Variants in CHST11 observed in about 807,000 individuals in gnomAD.
CHST11 encodes the protein carbohydrate sulfotransferase 11, also known as C4S-1.
CHST11 carries 9 observed loss-of-function variants against 30.4 expected under a neutral mutation model. The observed-to-expected ratio is 0.30, with a 90% confidence interval of 0.18 to 0.52. The LOEUF (loss-of-function observed/expected upper bound fraction) is 0.52. CHST11 is among the 20% of genes least tolerant of loss of function. The pLI is 0.97. For synonymous variants in CHST11, 152 were observed against 187.8 expected (o/e 0.81, Z 1.56); for missense variants, 348 against 460.6 (o/e 0.76, Z 2.24).
intron 1 of CHST11, chr12:104,552,108 G>A (rs149260068): frequency 3.1e-4 from 47 of 152,204 alleles, no homozygotes; most frequent in African/African-American, 1.1e-3. Context: ...ATCTGGGATG[G>A]GTTGAGAGTC....
At chr12:104,573,121 G>C (rs539505319) in intron 1 of CHST11, among the ~76,000 whole-genome samples, 5 of 152,312 alleles carry the variant, frequency 3.3e-5, no homozygotes, top group East Asian at 3.9e-4. Flanking sequence ...TTGCTTCAAA[G>C]AGAATAAAAT....
chr12:104,572,550 C>T (rs556445001), intron 1 of CHST11, among the ~76,000 whole-genome samples: 8 of 152,204 alleles, frequency 5.3e-5, no homozygotes, highest in South Asian at 2.1e-4. Flanking sequence ...TCTGTGGGAT[C>T]GGTGGTGATA....
intron 1 of CHST11, among the ~76,000 whole-genome samples, chr12:104,569,146 C>T (rs1041753236): frequency 1.3e-5 from 2 of 152,064 alleles, no homozygotes; most frequent in Non-Finnish European, 2.9e-5. Flanking sequence ...AGGACTGGAA[C>T]CCAATTGTCT....
chr12:104,505,168 T>C (rs1285010320), intron 1 of CHST11, among the ~76,000 whole-genome samples: 3 of 152,196 alleles, frequency 2.0e-5, no homozygotes, highest in Non-Finnish European at 4.4e-5. Context: ...AGCGCTGTTA[T>C]AGACACCAGC....
At chr12:104,507,703 T>C (rs1464167217) in intron 1 of CHST11, among the ~76,000 whole-genome samples, 1 of 152,210 alleles carries the variant, frequency 6.6e-6, no homozygotes, top group African/African-American at 2.4e-5. Context: ...ATGACTGAGA[T>C]GATTTGTCTC....
In CHST11 at chr12:104,458,278, C is replaced by G. The variant is rs2037374767; in HGVS notation, c.118+749C>G. Among the ~76,000 whole-genome samples, 1 of 152,210 alleles carries G rather than the reference C, an allele frequency of 6.6e-6. No homozygotes were observed. The highest frequency in any genetic ancestry group is 1.5e-5 in the Non-Finnish European group (1 of 68,038). Reference sequence around the variant, plus strand: ...CCGAGCTCCTGGGTCACGCCTTGACCACTGCAGTTTTGGAGGAAACTTTGG... The same window carrying G: ...CCGAGCTCCTGGGTCACGCCTTGACGACTGCAGTTTTGGAGGAAACTTTGG... On this transcript the variant is annotated intron_variant, in intron 1 of 2. Transcript: ENST00000303694. This position sits in a 1 kb window ranked among gnomAD's most constrained non-coding sequence, Gnocchi z 5.7.
chr12:104,621,951 A>G (rs1196087098), intron 2 of CHST11, among the ~76,000 whole-genome samples: 1 of 152,206 alleles, frequency 6.6e-6, no homozygotes, highest in African/African-American at 2.4e-5. Flanking sequence ...AGTCTGGAAA[A>G]TGGGATGCTG....
At chr12:104,669,572 T>C (rs1290607048) in intron 2 of CHST11, among the ~76,000 whole-genome samples, 3 of 152,146 alleles carry the variant, frequency 2.0e-5, no homozygotes, top group African/African-American at 4.8e-5. Flanking sequence ...CAGGCCTACA[T>C]TGTGTTTGTA....
In CHST11 at chr12:104,649,533, T is replaced by C. The variant is rs556266977; in HGVS notation, c.204+47542T>C. On this transcript the variant is annotated intron_variant, in intron 2 of 2. Transcript: ENST00000303694. ...GATTAAACTCAGGTCTGTTTTACTCTAAACTCCAAGTGCTTCTGTCTAAAA... is the reference window on the plus strand; with the variant it reads ...GATTAAACTCAGGTCTGTTTTACTCCAAACTCCAAGTGCTTCTGTCTAAAA... Among the ~76,000 whole-genome samples, 13 of 152,364 alleles carry C rather than the reference T, an allele frequency of 8.5e-5. No homozygotes were observed. The East Asian group carries it at 2.5e-3, about 29-fold the overall frequency.
chr12:104,675,126 C>T (rs1007527852), intron 2 of CHST11, among the ~76,000 whole-genome samples: 2 of 152,104 alleles, frequency 1.3e-5, no homozygotes, highest in African/African-American at 4.8e-5. Flanking sequence ...GGTGATCACT[C>T]TAAGCAGTTA....
At chr12:104,497,175 T>C (rs2037806510) in intron 1 of CHST11, among the ~76,000 whole-genome samples, 1 of 152,240 alleles carries the variant, frequency 6.6e-6, no homozygotes, top group South Asian at 2.1e-4. Flanking sequence ...GTTGAAGACC[T>C]AACCCCCAGT....
intron 2 of CHST11, among the ~76,000 whole-genome samples, chr12:104,746,303 C>T (rs1592871987): frequency 6.6e-6 from 1 of 152,168 alleles, no homozygotes; most frequent in South Asian, 2.1e-4. Flanking sequence ...CCAATATAAA[C>T]CCTGCCTACA....
chr12:104,647,230 T>A (rs1476309510), intron 2 of CHST11, among the ~76,000 whole-genome samples: 3 of 152,220 alleles, frequency 2.0e-5, no homozygotes, highest in African/African-American at 7.2e-5. Flanking sequence ...TGGCTGCTGT[T>A]GTGTGGCTGT....
intron 2 of CHST11, among the ~76,000 whole-genome samples, chr12:104,661,110 G>A (rs1033423693): frequency 1.8e-4 from 28 of 152,132 alleles, no homozygotes; most frequent in Middle Eastern, 3.2e-3. Flanking sequence ...ACATAGCTTC[G>A]CCTGAGTTCT....
intron 2 of CHST11, among the ~76,000 whole-genome samples, chr12:104,603,060 T>C (rs540695580): frequency 1.3e-5 from 2 of 152,154 alleles, no homozygotes; most frequent in Non-Finnish European, 2.9e-5. Flanking sequence ...ATTAGCCCAT[T>C]AATTGCCAAG....
chr12:104,693,692 G>T (rs1379134411), intron 2 of CHST11, among the ~76,000 whole-genome samples: 2 of 152,162 alleles, frequency 1.3e-5, no homozygotes, highest in Non-Finnish European at 2.9e-5. Context: ...GGTCTCTGGG[G>T]GTCAGGGAGG....
intron 1 of CHST11, among the ~76,000 whole-genome samples, chr12:104,535,409 G>A (rs1364068983): frequency 6.6e-6 from 1 of 152,180 alleles, no homozygotes; most frequent in Admixed American, 6.5e-5. Flanking sequence ...ACTGCAAACT[G>A]TTTTAGAATA....
At chr12:104,719,429 A>G (rs2040156268) in intron 2 of CHST11, among the ~76,000 whole-genome samples, 1 of 152,108 alleles carries the variant, frequency 6.6e-6, no homozygotes, top group African/African-American at 2.4e-5. Flanking sequence ...CCATCCACCC[A>G]CGCTCCCCTT....
intron 1 of CHST11, among the ~76,000 whole-genome samples, chr12:104,540,781 G>A (rs543599027): frequency 2.0e-5 from 3 of 152,182 alleles, no homozygotes; most frequent in African/African-American, 2.4e-5. Flanking sequence ...GCCTCCAGAC[G>A]GCCCAGGGTG....
Sources: allele counts gnomAD v4.1 joint callset (sites outside exome capture counted in the v4.1 genomes callset), GRCh38; gene constraint gnomAD v4.1.1; non-coding constraint Gnocchi (gnomAD v3.1); transcripts MANE v1.5; gene names NCBI Gene and HGNC (gene_info 2026-07-23, HGNC 2026-07-21).